The following FYB1 variants were observed in gnomAD, a reference collection of about 807,000 sequenced individuals.
FYB1 encodes the protein FYN-binding protein 1.
A neutral mutation model predicts 94.1 loss-of-function variants in FYB1; 41 were observed. The ratio of observed to expected loss-of-function variants is 0.44; its 90% confidence interval spans 0.34 to 0.57. The LOEUF is 0.57. Ranked by LOEUF, FYB1 falls within the 20% of genes least tolerant of loss-of-function variation. The pLI is 0.02. For missense variants in FYB1, 1,050 were observed against 976.8 expected (o/e 1.07, Z -1.00); for synonymous variants, 367 against 353.2 (o/e 1.04, Z -0.44).
intron 2 of FYB1, chr5:39,169,902 T>C: frequency 1.6e-6 from 1 of 606,368 alleles, no homozygotes; most frequent in Non-Finnish European, 3.1e-6. Flanking sequence ...CTTTTTCCTT[T>C]TTGATTTCCA....
At chr5:39,207,323 T>TAGAAATTAATTTCCTTTAGCGA (rs1258907627) in intron 1 of FYB1, among the ~76,000 whole-genome samples, 1 of 152,236 alleles carries the variant, frequency 6.6e-6, no homozygotes, top group Non-Finnish European at 1.5e-5. Context: ...AATCTCTTCA[T>TAGAAATTAATTTCCTTTAGCGA]AGAAATTAAT....
At chr5:39,155,378 T>C (rs1036928898) in intron 2 of FYB1, among the ~76,000 whole-genome samples, 4 of 152,212 alleles carry the variant, frequency 2.6e-5, no homozygotes, top group Non-Finnish European at 5.9e-5. Context: ...CCCACAAGAA[T>C]AGTTCTTCTT....
At chr5:39,111,145 T>C (rs1193728553) in intron 16 of FYB1, among the ~76,000 whole-genome samples, 2 of 151,974 alleles carry the variant, frequency 1.3e-5, no homozygotes, top group East Asian at 3.8e-4. Context: ...ATTGTGCAAA[T>C]GTTTCTCAGG....
Position 39,201,994 on chromosome 5 carries a change from C to T in FYB1, c.967G>A (p.Gly323Arg), listed in dbSNP as rs1281072537. The change falls in exon 2 of 19, where the codon GGG becomes AGG. Residue 323 changes from glycine to arginine, a missense_variant. Gly to Arg is a moderately radical substitution (Grantham distance 125). Transcript: ENST00000512982. Reference sequence around the variant, plus strand: ...TCCTGACTTTGGCCCCATGGCCCCCCCACTGTCAGCTTAGAAGGGGCCTTA... The same window carrying T: ...TCCTGACTTTGGCCCCATGGCCCCCTCACTGTCAGCTTAGAAGGGGCCTTA... The part of the protein sequence containing the change: ...FPKAPSKLTV[G>R]GPWGQSQEKE... 3.7e-6 allele frequency: 6 copies of T among 1,614,040 alleles called. No individual in the cohort carries two copies. The highest frequency in any genetic ancestry group is 5.1e-6 in the Non-Finnish European group (6 of 1,179,902).
intron 1 of FYB1, among the ~76,000 whole-genome samples, chr5:39,238,885 G>C (rs1039299335): frequency 3.9e-5 from 6 of 152,080 alleles, no homozygotes; most frequent in Non-Finnish European, 8.8e-5. Flanking sequence ...ACCTCTTTGT[G>C]TGTGAGAACA....
At chr5:39,182,286 CATGTGTGTGTGTGTGTGTGTGTGT>C (rs1156484435) in intron 2 of FYB1, among the ~76,000 whole-genome samples, 21 of 99,146 alleles carry the variant, frequency 2.1e-4, no homozygotes, top group South Asian at 3.5e-4. Flanking sequence ...TGTGTGCATG[CATGTGTGTGTGTGTGTGTGTGTGT>C]GTGTGTGTGT....
At chr5:39,122,716 A>G (rs1740244944) in intron 13 of FYB1, among the ~76,000 whole-genome samples, 1 of 152,192 alleles carries the variant, frequency 6.6e-6, no homozygotes, top group African/African-American at 2.4e-5. Flanking sequence ...CAGGAGTGGC[A>G]AATTGCTGAT....
chr5:39,159,301 G>A (rs961092631), intron 2 of FYB1, among the ~76,000 whole-genome samples: 6 of 152,184 alleles, frequency 3.9e-5, no homozygotes, highest in Non-Finnish European at 7.3e-5. Flanking sequence ...TAGGTACATA[G>A]CATTTCCCAT....
chr5:39,124,368 G>A lies in FYB1; in HGVS notation c.2046-90C>T. On this transcript the variant is annotated intron_variant, in intron 12 of 18. Transcript: ENST00000512982. The stretch of plus-strand genomic sequence containing the variant: ...TATAGGAGAGTATAAAGGGGCAATA[G>A]CCTAGAGGCATATTGGGTTACTTCA... 4 of 752,198 alleles carry A rather than the reference G, an allele frequency of 5.3e-6. No individual in the cohort carries two copies. In the South Asian group the frequency reaches 6.9e-5, roughly 13 times the overall value. 46.6% of individuals were successfully genotyped at this position (752,198 alleles called of 1,614,324 possible).
intron 1 of FYB1, among the ~76,000 whole-genome samples, chr5:39,237,127 G>A (rs953739873): frequency 1.4e-4 from 21 of 151,976 alleles, no homozygotes; most frequent in Admixed American, 9.9e-4. Context: ...TTGAAATCCC[G>A]ACAAAACAAT....
intron 16 of FYB1, among the ~76,000 whole-genome samples, chr5:39,118,155 C>T (rs1020784782): frequency 6.6e-6 from 1 of 152,128 alleles, no homozygotes; most frequent in Non-Finnish European, 1.5e-5. Context: ...CATCCTGCCT[C>T]AGCCCCGCAA....
intron 1 of FYB1, among the ~76,000 whole-genome samples, chr5:39,241,598 A>C (rs1478515651): frequency 1.3e-5 from 2 of 152,158 alleles, no homozygotes; most frequent in Non-Finnish European, 2.9e-5. Flanking sequence ...GGGCAAGGGC[A>C]CTACCCTATT....
chr5:39,247,465 A>G (rs79363457), intron 1 of FYB1, among the ~76,000 whole-genome samples: 66 of 152,254 alleles, frequency 4.3e-4, no homozygotes, highest in African/African-American at 1.6e-3. Flanking sequence ...AAAGGTTGTT[A>G]GACATAAGAA....
At chr5:39,107,497 T>C (rs752011390) in intron 18 of FYB1, 32 bp from the exon 19 acceptor site, 7 of 1,439,642 alleles carry the variant, frequency 4.9e-6, no homozygotes, top group Non-Finnish European at 6.6e-6. Context: ...TTAAATATAG[T>C]TATTAAAAAC....
intron 3 of FYB1, among the ~76,000 whole-genome samples, chr5:39,147,428 C>G (rs1458986722): frequency 6.7e-6 from 1 of 148,528 alleles, no homozygotes; most frequent in African/African-American, 2.5e-5. Flanking sequence ...GTTACCATGC[C>G]CAGCTAAACT....
At chr5:39,193,852 A>G (rs1331688156) in intron 2 of FYB1, among the ~76,000 whole-genome samples, 1 of 152,208 alleles carries the variant, frequency 6.6e-6, no homozygotes, top group Non-Finnish European at 1.5e-5. Flanking sequence ...CACAGCTAAC[A>G]TTTATGCCAC....
chr5:39,138,378 T>A, intron 6 of FYB1: 2 of 297,076 alleles, frequency 6.7e-6, no homozygotes. Flanking sequence ...ACACTAAGAG[T>A]AAGAAATCAG....
intron 1 of FYB1, among the ~76,000 whole-genome samples, chr5:39,261,945 A>G (rs915147942): frequency 2.8e-4 from 43 of 152,180 alleles, no homozygotes; most frequent in Non-Finnish European, 5.3e-4. Context: ...GTGGTTATCC[A>G]TATCAGCTAA....
chr5:39,186,154 CA>C (rs1194548633), intron 2 of FYB1, among the ~76,000 whole-genome samples: 3 of 152,146 alleles, frequency 2.0e-5, no homozygotes, highest in Admixed American at 1.3e-4. Context: ...CAAGAATTTT[CA>C]AACATTGAAA....
Sources: allele counts gnomAD v4.1 joint callset (sites outside exome capture counted in the v4.1 genomes callset), GRCh38; gene constraint gnomAD v4.1.1; transcripts MANE v1.5; gene names NCBI Gene and HGNC (gene_info 2026-07-23, HGNC 2026-07-21).